RETNLB: variants seen among roughly 807,000 people sequenced by gnomAD.
RETNLB encodes the protein resistin-like beta.
In RETNLB, 11 loss-of-function variants were observed where a neutral mutation model predicts 6.8. The ratio of observed to expected loss-of-function variants is 1.62; its 90% CI spans 1.02 to 2.68. RETNLB has a LOEUF of 2.68. RETNLB is among the 30% of genes most tolerant of loss of function. RETNLB has a pLI of 0.00. For missense variants in RETNLB, 146 were observed against 135.7 expected (o/e 1.08, Z -0.38); for synonymous variants, 57 against 54.2 (o/e 1.05, Z -0.23).
At chr3:108,756,454 CAG>C (rs1945250758) in intron 2 of RETNLB, 52 bp downstream of exon 2, 1 of 1,176,148 alleles carries the variant, frequency 8.5e-7, no homozygotes, top group African/African-American at 1.5e-5. Context: ...GGGAGATGGA[CAG>C]GGGAGGATAC....
intron 2 of RETNLB, 65 bp downstream of exon 2, chr3:108,756,443 A>C: frequency 9.3e-7 from 1 of 1,075,554 alleles, no homozygotes; most frequent in Non-Finnish European, 1.4e-6. Flanking sequence ...ACGTAGGTGC[A>C]GGGAGATGGA....
intron 1 of RETNLB, 100 bp from the exon 2 acceptor site, chr3:108,756,688 T>C (rs529055019): frequency 1.2e-6 from 1 of 844,742 alleles, no homozygotes; most frequent in South Asian, 1.5e-5. Context: ...TGACACTGTG[T>C]CCAGAATCAG....
In RETNLB at chr3:108,756,403, C is replaced by G. The variant is rs1945250322; in HGVS notation, c.208+105G>C. 3.8e-6 allele frequency: 3 copies of G among 796,630 alleles called. No individual in the cohort carries two copies. The South Asian group carries it at 4.5e-5, about 12-fold the overall frequency. 49.3% of individuals were successfully genotyped at this position (796,630 alleles called of 1,614,324 possible). A position where few individuals can be genotyped will look rare whatever the true frequency, so the allele number is the denominator to read the frequency against. Reference sequence around the variant, plus strand: ...GAGTCATGACTCAGCCCCAGGGTGCCAGGGTGATACAGACCTGACATGGGG... The same window carrying G: ...GAGTCATGACTCAGCCCCAGGGTGCGAGGGTGATACAGACCTGACATGGGG... On this transcript the variant is annotated intron_variant, in intron 2 of 2. Transcript: ENST00000295755.
At position 108,757,253 on chromosome 3, in the gene RETNLB, G is replaced by T; in HGVS notation, c.-68C>A. ...AAGCAGCTTAGATCTCTGAGCTCCT[G>T]GGTGGTGGTGAAGGAAAGAAGACAA... On this transcript the variant is annotated 5_prime_UTR_variant, in exon 1 of 3. Transcript: ENST00000295755. 2 of 1,531,720 alleles carry T rather than the reference G, an allele frequency of 1.3e-6. No individual in the cohort carries two copies. Among genetic ancestry groups the T allele is most frequent in the Non-Finnish European group, 1.8e-6 (2 of 1,135,778 alleles). 94.9% of individuals were successfully genotyped at this position (1,531,720 alleles called of 1,614,324 possible).
At position 108,756,926 on chromosome 3, in the gene RETNLB, G is replaced by C. The variant is rs1222041607; in HGVS notation, c.127+133C>G. 4 of 992,786 alleles carry C rather than the reference G, an allele frequency of 4.0e-6. No individual in the cohort carries two copies. The East Asian group carries it at 7.9e-5, about 20-fold the overall frequency. The allele number at this position is 992,786 out of a possible 1,614,324, so 61.5% of individuals were successfully genotyped here. On this transcript the variant is annotated intron_variant, in intron 1 of 2. Coordinates refer to ENST00000295755, the MANE Select transcript of RETNLB (RefSeq NM_032579.3). ...AGCCAAGACTTCAAACACGGGTAGGGTAGTGTAGAAAGCCCTCATCAGGGG... is the reference window on the plus strand; with the variant it reads ...AGCCAAGACTTCAAACACGGGTAGGCTAGTGTAGAAAGCCCTCATCAGGGG...
rs1177205987 is a variant in RETNLB, at chr3:108,757,274, G to A, written c.-89C>T. ...TCCTGGGTGGTGGTGAAGGAAAGAA[G>A]ACAACGTGGTTAGTTTCCAGGGAGT... On this transcript the variant is annotated 5_prime_UTR_variant, in exon 1 of 3. Transcript: ENST00000295755. 9 of 1,467,592 alleles carry A rather than the reference G, an allele frequency of 6.1e-6. No individual in the cohort carries two copies. The East Asian group carries it at 1.6e-4, about 26-fold the overall frequency. The allele number at this position is 1,467,592 out of a possible 1,614,324, so 90.9% of individuals were successfully genotyped here.
Position 108,757,050 on chromosome 3 carries a change from G to T in RETNLB, c.127+9C>A. The T allele has an allele frequency of 6.2e-7, 1 of 1,612,372 alleles. No individual in the cohort carries two copies. Among genetic ancestry groups the T allele is most frequent in the South Asian group, 1.1e-5 (1 of 90,686 alleles). Reference sequence around the variant, plus strand: ...TCAACCCCCCGCTTCCCCTACCCCAGTCAGTTACCTAGACTGTTGAGAACA... The same window carrying T: ...TCAACCCCCCGCTTCCCCTACCCCATTCAGTTACCTAGACTGTTGAGAACA... On this transcript the variant is annotated intron_variant, in intron 1 of 2. Transcript: ENST00000295755.
chr3:108,757,043 T>G lies in RETNLB; in HGVS notation c.127+16A>C. 6.2e-7 allele frequency: 1 copy of G among 1,611,176 alleles called. No individual in the cohort carries two copies. The highest frequency in any genetic ancestry group is 8.5e-7 in the Non-Finnish European group (1 of 1,178,368). On this transcript the variant is annotated intron_variant, in intron 1 of 2. Coordinates refer to ENST00000295755, the MANE Select transcript of RETNLB (RefSeq NM_032579.3). ...GCAAGGGTCAACCCCCCGCTTCCCC[T>G]ACCCCAGTCAGTTACCTAGACTGTT...
intron 2 of RETNLB, 77 bp from the exon 3 acceptor site, chr3:108,755,982 C>T: frequency 1.3e-6 from 2 of 1,572,454 alleles, no homozygotes; most frequent in Non-Finnish European, 1.7e-6. Flanking sequence ...AACCATCTTT[C>T]AACCCTGTGC....
At chr3:108,756,716 A>G in intron 1 of RETNLB, 128 bp from the exon 2 acceptor site, 1 of 687,556 alleles carries the variant, frequency 1.5e-6, no homozygotes. Context: ...ATCAGCTTTT[A>G]AGGTTAGTTT....
chr3:108,756,615 T>C, intron 1 of RETNLB, 27 bp from the exon 2 acceptor site: 2 of 1,470,646 alleles, frequency 1.4e-6, no homozygotes, highest in Non-Finnish European at 1.9e-6. Context: ...AAAGGGTACA[T>C]CCCATGAGCT....
At chr3:108,756,954 G>C in intron 1 of RETNLB, 105 bp downstream of exon 1, 2 of 1,348,718 alleles carry the variant, frequency 1.5e-6, no homozygotes, top group South Asian at 3.0e-5. Flanking sequence ...ATCAGGGGTT[G>C]GGCTTGGTTG....
In RETNLB at chr3:108,756,595, A is replaced by G; in HGVS notation, c.128-7T>C. ...ATAGGAGAGGGACTGTACTCTGAGT[A>G]GGAAAGAAGAAAGGGTACATCCCAT... On this transcript the variant is annotated splice_polypyrimidine_tract_variant and splice_region_variant and intron_variant, in intron 1 of 2. Transcript: ENST00000295755. 1.3e-6 allele frequency: 2 copies of G among 1,594,212 alleles called. No homozygotes were observed. Among genetic ancestry groups the G allele is most frequent in the Non-Finnish European group, 1.7e-6 (2 of 1,161,926 alleles).
In RETNLB at chr3:108,755,856, A is replaced by G. The variant is rs947576097; in HGVS notation, c.258T>C (p.Asp86=). The G allele has an allele frequency of 1.9e-6, 3 of 1,614,012 alleles. No individual in the cohort carries two copies. The African/African-American group carries it at 4.0e-5, about 22-fold the overall frequency. ...CACGYGCGSW[D]VQLETTCHCQ... is the part of the protein sequence containing the mutation. Reference sequence around the variant, plus strand: ...AGTGGCAGGTGGTTTCCAGCTGAACATCCCACGAACCACAGCCATAGCCAC... The same window carrying G: ...AGTGGCAGGTGGTTTCCAGCTGAACGTCCCACGAACCACAGCCATAGCCAC... Residue 86 remains aspartate, a synonymous_variant, in exon 3 of 3, where the codon GAT becomes GAC. Transcript: ENST00000295755.
Position 108,755,851 on chromosome 3 carries a change from T to C in RETNLB, c.263A>G (p.Gln88Arg). Residue 88 changes from glutamine to arginine, a missense_variant, in exon 3 of 3, where the codon CAG (glutamine) becomes CGG (arginine). Coordinates refer to ENST00000295755, the MANE Select transcript of RETNLB (RefSeq NM_032579.3). Reference sequence around the variant, plus strand: ...CTGGCAGTGGCAGGTGGTTTCCAGCTGAACATCCCACGAACCACAGCCATA... The same window carrying C: ...CTGGCAGTGGCAGGTGGTTTCCAGCCGAACATCCCACGAACCACAGCCATA... ...CGYGCGSWDVQLETTCHCQCS... is the reference protein window; with the variant it reads ...CGYGCGSWDVRLETTCHCQCS... 3 of 1,614,102 alleles carry C rather than the reference T, an allele frequency of 1.9e-6. No individual in the cohort carries two copies. The highest frequency in any genetic ancestry group is 1.1e-5 in the South Asian group (1 of 91,086).
intron 2 of RETNLB, 101 bp from the exon 3 acceptor site, chr3:108,756,006 G>A (rs2107482315): frequency 1.4e-6 from 2 of 1,419,716 alleles, no homozygotes; most frequent in East Asian, 2.3e-5. Context: ...CAGGGGTAGA[G>A]CTAGGTTTCG....
Position 108,755,796 on chromosome 3 carries a change from G to T in RETNLB, c.318C>A (p.Arg106=). 6.2e-7 allele frequency: 1 copy of T among 1,614,060 alleles called. No individual in the cohort carries two copies. The highest frequency in any genetic ancestry group is 8.5e-7 in the Non-Finnish European group (1 of 1,179,928). ...CTCCCTGTCAGGTCAGGTGGCAGCA[G>T]CGGGCAGTGGTCCAGTCCACCACAC... ...QCSVVDWTTA[R]CCHLT is the part of the protein sequence containing the mutation. The change falls in exon 3 of 3, where the codon CGC becomes CGA. Residue 106 remains arginine (R), a synonymous_variant. Transcript: ENST00000295755.
rs12633056 is a variant in RETNLB at position 108,756,922 on chromosome 3, T to A, written c.127+137A>T. The A allele has an allele frequency of 5.6e-3, 5,348 of 949,926 alleles. 181 individuals carry two copies. The East Asian group carries it at 0.061, about 11-fold the overall frequency. The allele number at this position is 949,926 out of a possible 1,614,324, so 58.8% of individuals were successfully genotyped here. A position where few individuals can be genotyped will look rare whatever the true frequency, so the allele number is the denominator to read the frequency against. On this transcript the variant is annotated intron_variant, in intron 1 of 2. Transcript: ENST00000295755. ...TTTTAGCCAAGACTTCAAACACGGG[T>A]AGGGTAGTGTAGAAAGCCCTCATCA... is the stretch of plus-strand genomic sequence containing the variant.
chr3:108,756,921 G>A, intron 1 of RETNLB, 138 bp downstream of exon 1: 1 of 954,370 alleles, frequency 1.0e-6, no homozygotes, highest in Non-Finnish European at 1.5e-6. Context: ...TCAAACACGG[G>A]TAGGGTAGTG....
Sources: gnomAD v4.1 joint callset for allele counts on GRCh38, gnomAD v4.1.1 for gene constraint, MANE v1.5 for transcripts, NCBI Gene and HGNC (gene_info 2026-07-23, HGNC 2026-07-21) for gene names.